The following HSPA14 variants were observed in gnomAD, a reference collection of about 807,000 sequenced individuals.
HSPA14 encodes the protein heat shock 70 kDa protein 14.
Under a neutral mutation model 65.5 loss-of-function variants are expected in HSPA14, and 37 were observed. The ratio of observed to expected loss-of-function variants is 0.56; its 90% CI spans 0.43 to 0.74. The LOEUF (loss-of-function observed/expected upper bound fraction) is 0.74. Among genes scored for constraint, HSPA14 ranks in the 30% least tolerant of loss-of-function variants. HSPA14 has a pLI of 0.00. For missense variants in HSPA14, 564 were observed against 607.6 expected, an observed-to-expected ratio of 0.93 and a Z score of 0.75; for synonymous variants, 203 against 214.2, an observed-to-expected ratio of 0.95 and a Z score of 0.46.
In HSPA14 at chr10:14,842,212, A is replaced by C; in HGVS notation, c.221+2055A>C. 1 of 1,535,528 alleles carries C rather than the reference A, an allele frequency of 6.5e-7. No individual in the cohort carries two copies. The highest frequency in any genetic ancestry group is 8.7e-7 in the Non-Finnish European group (1 of 1,146,876). On this transcript the variant is annotated intron_variant, in intron 3 of 13. Coordinates refer to ENST00000378372, the MANE Select transcript of HSPA14 (RefSeq NM_016299.4). This position sits in a 1 kb window ranked among gnomAD's most constrained non-coding sequence, Gnocchi z 5.2. ...GATCCTGGAGATATCCTGAGAGCACACAGAGCTTCCCCACACCTTCAGACT... is the reference window on the plus strand; with the variant it reads ...GATCCTGGAGATATCCTGAGAGCACCCAGAGCTTCCCCACACCTTCAGACT...
intron 6 of HSPA14, among the ~76,000 whole-genome samples, chr10:14,850,198 G>A (rs1331370539): frequency 6.6e-6 from 1 of 151,988 alleles, no homozygotes; most frequent in African/African-American, 2.4e-5. Context: ...CCTGAACCCA[G>A]GAAGTGGAGG....
chr10:14,857,697 G>A (rs1368600016), intron 10 of HSPA14, among the ~76,000 whole-genome samples: 1 of 152,086 alleles, frequency 6.6e-6, no homozygotes, highest in Non-Finnish European at 1.5e-5. Context: ...TTTGGTTTTG[G>A]TCCTGCTAGG....
chr10:14,854,150 A>G lies in HSPA14; in HGVS notation c.760A>G (p.Asn254Asp), dbSNP rs912758788. Residue 254 changes from asparagine to aspartate, a missense_variant, in exon 9 of 14, where the codon AAT becomes GAT. Asn to Asp is a conservative substitution (Grantham distance 23, BLOSUM62 1). Transcript: ENST00000378372. ...QRSFKHDVRG[N>D]ARAMMKLTNS... is the part of the protein sequence containing the mutation. The stretch of plus-strand genomic sequence containing the variant: ...ATCCTTCAAACATGATGTGAGAGGA[A>G]ATGCGCGAGCCATGATGAAATTAAC... 6.2e-6 allele frequency: 10 copies of G among 1,605,662 alleles called. No homozygotes were observed. Among genetic ancestry groups the G allele is most frequent in the Non-Finnish European group, 8.5e-6 (10 of 1,177,852 alleles).
At position 14,842,796 on chromosome 10, in the gene HSPA14, T is replaced by A; in HGVS notation, c.221+2639T>A. On this transcript the variant is annotated intron_variant, in intron 3 of 13. Coordinates refer to ENST00000378372, the MANE Select transcript of HSPA14 (RefSeq NM_016299.4). This position sits in a 1 kb window ranked among gnomAD's most constrained non-coding sequence, Gnocchi z 5.2. ...TGTCAGCTAAGAATCAGTGACCGGA[T>A]ACGAGAAACCAGTGACCTTGAGGAC... 2 of 1,536,312 alleles carry A rather than the reference T, an allele frequency of 1.3e-6. No homozygotes were observed. The highest frequency in any genetic ancestry group is 1.7e-6 in the Non-Finnish European group (2 of 1,146,934).
At chr10:14,861,032 T>C (rs1832746341) in intron 10 of HSPA14, among the ~76,000 whole-genome samples, 1 of 152,258 alleles carries the variant, frequency 6.6e-6, no homozygotes, top group South Asian at 2.1e-4. Flanking sequence ...GCCAGAGGTA[T>C]AGTAGGGTGA....
rs996056417 is a variant in HSPA14 at position 14,842,121 on chromosome 10, T to C, written c.221+1964T>C. On this transcript the variant is annotated intron_variant, in intron 3 of 13. Coordinates refer to ENST00000378372, the MANE Select transcript of HSPA14 (RefSeq NM_016299.4). The surrounding 1 kb of genome is among the most constrained non-coding windows in gnomAD (Gnocchi z 5.2). ...ACCCTTCCTGTAACTCTCATTCCCC[T>C]GTGGCCTTCCAGCCAGAAATGCGGT... The C allele has an allele frequency of 4.6e-6, 7 of 1,525,214 alleles. No homozygotes were observed. The African/African-American group carries it at 9.6e-5, about 21-fold the overall frequency. The allele number at this position is 1,525,214 out of a possible 1,614,324, so 94.5% of individuals were successfully genotyped here.
At chr10:14,870,559 G>A (rs764687957) in intron 12 of HSPA14, 38 bp from the exon 13 acceptor site, 52 of 1,558,934 alleles carry the variant, frequency 3.3e-5, no homozygotes, top group Non-Finnish European at 1.7e-5. Context: ...TTTATGTAAA[G>A]ATGCTGAATT....
chr10:14,862,329 C>T (rs1240648005), intron 10 of HSPA14, among the ~76,000 whole-genome samples: 2 of 149,518 alleles, frequency 1.3e-5, no homozygotes, highest in African/African-American at 2.5e-5. Flanking sequence ...CACCCAGCCC[C>T]AAGAAAATAG....
intron 3 of HSPA14, chr10:14,844,016 C>G: frequency 6.9e-7 from 1 of 1,452,204 alleles, no homozygotes; most frequent in Non-Finnish European, 9.0e-7. Flanking sequence ...CCATTTATAT[C>G]CAGATAGTAT....
In HSPA14 at chr10:14,846,550, C is replaced by G; in HGVS notation, c.222-2059C>G. On this transcript the variant is annotated intron_variant, in intron 3 of 13. Coordinates refer to ENST00000378372, the MANE Select transcript of HSPA14 (RefSeq NM_016299.4). Reference sequence around the variant, plus strand: ...GCAAGAAAGCAAGCCAGGAATCTGCCTATGTGGTAGACCCAACCATTACTA... The same window carrying G: ...GCAAGAAAGCAAGCCAGGAATCTGCGTATGTGGTAGACCCAACCATTACTA... 4 of 985,236 alleles carry G rather than the reference C, an allele frequency of 4.1e-6. No individual in the cohort carries two copies. In the South Asian group the frequency reaches 1.9e-4, roughly 46 times the overall value. The allele number at this position is 985,236 out of a possible 1,614,324, so 61.0% of individuals were successfully genotyped here.
chr10:14,864,773 C>T (rs558278718), intron 10 of HSPA14, among the ~76,000 whole-genome samples: 14 of 152,220 alleles, frequency 9.2e-5, no homozygotes, highest in African/African-American at 3.4e-4. Context: ...TGAATAGTAC[C>T]GCAATGAACA....
chr10:14,839,800 A>G (rs1371947199), intron 1 of HSPA14, 105 bp from the exon 2 acceptor site: 1 of 654,714 alleles, frequency 1.5e-6, no homozygotes, highest in East Asian at 2.9e-5. Context: ...AAATATTGAG[A>G]TAGCAGTTTT....
At chr10:14,866,061 C>T (rs1481766759) in intron 10 of HSPA14, among the ~76,000 whole-genome samples, 1 of 151,762 alleles carries the variant, frequency 6.6e-6, no homozygotes. Context: ...CTAGGTATAC[C>T]ACTTGCTACT....
At chr10:14,865,813 C>T (rs1454245399) in intron 10 of HSPA14, among the ~76,000 whole-genome samples, 1 of 152,118 alleles carries the variant, frequency 6.6e-6, no homozygotes, top group Admixed American at 6.5e-5. Flanking sequence ...TTTTTGGTTC[C>T]ATATGAACTT....
At chr10:14,867,033 C>T (rs1287569265) in intron 10 of HSPA14, 50 bp from the exon 11 acceptor site, 3 of 1,345,534 alleles carry the variant, frequency 2.2e-6, no homozygotes, top group Admixed American at 1.7e-5. Flanking sequence ...AATTTTGAGA[C>T]ACAGCATTCT....
intron 10 of HSPA14, among the ~76,000 whole-genome samples, chr10:14,861,258 C>A (rs1832748028): frequency 6.6e-6 from 1 of 152,098 alleles, no homozygotes; most frequent in Non-Finnish European, 1.5e-5. Flanking sequence ...GAAGATGTAT[C>A]TGTAAGTGGG....
intron 12 of HSPA14, among the ~76,000 whole-genome samples, chr10:14,868,368 G>A (rs1200546636): frequency 6.6e-6 from 1 of 152,136 alleles, no homozygotes; most frequent in Non-Finnish European, 1.5e-5. Context: ...TGCTGCCTCT[G>A]AGACAAGATA....
rs1382138879 is a variant in HSPA14, at chr10:14,842,495, G to A, written c.221+2338G>A. ...CCGCTCCAAGTTTAAAGTTCTGAAG[G>A]CATTATATTTAAAGGCCTATGTTGC... On this transcript the variant is annotated intron_variant, in intron 3 of 13. Coordinates refer to ENST00000378372, the MANE Select transcript of HSPA14 (RefSeq NM_016299.4). The surrounding 1 kb of genome is among the most constrained non-coding windows in gnomAD (Gnocchi z 5.2). 1 of 1,536,122 alleles carries A rather than the reference G, an allele frequency of 6.5e-7. No individual in the cohort carries two copies. Among genetic ancestry groups the A allele is most frequent in the East Asian group, 2.4e-5 (1 of 40,922 alleles).
intron 3 of HSPA14, chr10:14,846,698 T>C (rs1834059012): frequency 1.0e-6 from 1 of 971,338 alleles, no homozygotes; most frequent in South Asian, 4.8e-5. Context: ...AAGGAACAGA[T>C]GAATGTATGA....
Sources: allele counts gnomAD v4.1 joint callset (sites outside exome capture counted in the v4.1 genomes callset), GRCh38; gene constraint gnomAD v4.1.1; non-coding constraint Gnocchi (gnomAD v3.1); transcripts MANE v1.5; gene names NCBI Gene and HGNC (gene_info 2026-07-23, HGNC 2026-07-21).